Variants in CERS3 observed in about 807,000 individuals in gnomAD.
CERS3 encodes the protein ceramide synthase 3.
Under a neutral mutation model 50.3 loss-of-function variants are expected in CERS3, and 33 were observed. The ratio of observed to expected loss-of-function variants is 0.66; its 90% CI spans 0.50 to 0.88. The LOEUF (loss-of-function observed/expected upper bound fraction) is 0.88. Among genes scored for constraint, CERS3 ranks in the 40% least tolerant of loss-of-function variants. The pLI is 0.00. For missense variants in CERS3, 470 were observed against 460.3 expected (o/e 1.02, Z -0.19); for synonymous variants, 176 against 155.2 (o/e 1.13, Z -0.99).
chr15:100,542,728 A>T (rs1422556569), intron 1 of CERS3, among the ~76,000 whole-genome samples: 1 of 152,230 alleles, frequency 6.6e-6, no homozygotes, highest in Non-Finnish European at 1.5e-5. Flanking sequence ...TAAGAATGTA[A>T]TTCACAATAA....
intron 11 of CERS3, among the ~76,000 whole-genome samples, chr15:100,413,999 A>C (rs1375828769): frequency 6.6e-6 from 1 of 152,186 alleles, no homozygotes; most frequent in Non-Finnish European, 1.5e-5. Context: ...ATTCACAGCC[A>C]AATTCTACCA....
upstream of CERS3, among the ~76,000 whole-genome samples, chr15:100,533,288 C>A (rs543768385): frequency 6.6e-6 from 1 of 152,138 alleles, no homozygotes. Flanking sequence ...GCCTCTCCCC[C>A]ACGTAAGCTT....
intron 11 of CERS3, among the ~76,000 whole-genome samples, chr15:100,440,372 T>C (rs1452674163): frequency 6.6e-6 from 1 of 152,208 alleles, no homozygotes; most frequent in Non-Finnish European, 1.5e-5. Flanking sequence ...TTCCTTCTCC[T>C]GGCTCATTCT....
intron 3 of CERS3, among the ~76,000 whole-genome samples, chr15:100,497,143 T>C (rs1282129720): frequency 6.6e-6 from 1 of 151,714 alleles, no homozygotes; most frequent in Non-Finnish European, 1.5e-5. Flanking sequence ...AAATAAAGGA[T>C]CACCAAATAC....
chr15:100,463,627 C>T (rs1166772932), intron 10 of CERS3, among the ~76,000 whole-genome samples: 2 of 152,022 alleles, frequency 1.3e-5, no homozygotes, highest in African/African-American at 4.8e-5. Flanking sequence ...GAGAGCTCTT[C>T]TAAGGGCCCC....
intron 11 of CERS3, among the ~76,000 whole-genome samples, chr15:100,415,509 C>G (rs189780378): frequency 6.6e-6 from 1 of 152,270 alleles, no homozygotes; most frequent in African/African-American, 2.4e-5. Context: ...TTTATTGTAG[C>G]ACTCTTCACA....
intron 2 of CERS3, among the ~76,000 whole-genome samples, chr15:100,506,828 T>A (rs942558828): frequency 6.6e-6 from 1 of 152,192 alleles, no homozygotes; most frequent in East Asian, 1.9e-4. Flanking sequence ...GGTTTCTTTT[T>A]AAGGTGGTGA....
chr15:100,438,005 T>G (rs1259883004), intron 11 of CERS3: 4 of 151,830 alleles, frequency 2.6e-5, no homozygotes, highest in Non-Finnish European at 4.4e-5. Context: ...ATCTATGATC[T>G]TGATTACTCA....
chr15:100,524,317 A>T (rs2036723634), intron 1 of CERS3, among the ~76,000 whole-genome samples: 3 of 152,252 alleles, frequency 2.0e-5, no homozygotes, highest in African/African-American at 7.2e-5. Context: ...AGTAATGGTT[A>T]AAAACGTTTG....
intron 10 of CERS3, among the ~76,000 whole-genome samples, chr15:100,466,773 C>CTTCT (rs1461279661): frequency 4.1e-5 from 2 of 48,846 alleles, no homozygotes; most frequent in Admixed American, 2.3e-4. Flanking sequence ...TCCTTCCTTC[C>CTTCT]TTCCTTCCTT....
At chr15:100,533,350 T>C (rs1196469227), upstream of CERS3, among the ~76,000 whole-genome samples, 1 of 152,184 alleles carries the variant, frequency 6.6e-6, no homozygotes, top group Non-Finnish European at 1.5e-5. Flanking sequence ...CCCCAGGGGT[T>C]AGAACAGTTC....
chr15:100,461,986 A>G (rs2034565141), intron 10 of CERS3, among the ~76,000 whole-genome samples: 1 of 152,218 alleles, frequency 6.6e-6, no homozygotes, highest in African/African-American at 2.4e-5. Context: ...ACTGGGAAAA[A>G]GAAAAAAAAT....
intron 10 of CERS3, among the ~76,000 whole-genome samples, chr15:100,466,737 T>TTTCCTTCCTTCCTTCCTTCC (rs1197426230): frequency 1.3e-5 from 1 of 74,238 alleles, no homozygotes; most frequent in African/African-American, 5.3e-5. Context: ...TCTTTCCTTC[T>TTTCCTTCCTTCCTTCCTTCC]TTCCTTCCTT....
chr15:100,463,966 G>A (rs1164417481), intron 10 of CERS3, among the ~76,000 whole-genome samples: 1 of 152,148 alleles, frequency 6.6e-6, no homozygotes, highest in African/African-American at 2.4e-5. Context: ...GCACTGTTGG[G>A]TGCTTTCAGC....
At chr15:100,432,371 C>T (rs566778857) in intron 11 of CERS3, among the ~76,000 whole-genome samples, 2 of 152,326 alleles carry the variant, frequency 1.3e-5, no homozygotes, top group East Asian at 3.9e-4. Context: ...AGAAATATAA[C>T]TTCCAACAAA....
At chr15:100,543,527 T>C (rs1418934178) in intron 1 of CERS3, among the ~76,000 whole-genome samples, 1 of 116,642 alleles carries the variant, frequency 8.6e-6, no homozygotes, top group Non-Finnish European at 1.9e-5. Context: ...CCTCCTTCCT[T>C]TCTTTCTTTT....
At chr15:100,527,717 TAC>T (rs2036835740) in intron 1 of CERS3, among the ~76,000 whole-genome samples, 1 of 152,214 alleles carries the variant, frequency 6.6e-6, no homozygotes, top group African/African-American at 2.4e-5. Context: ...AAAATGCACG[TAC>T]ACACAGCAAG....
intron 1 of CERS3, among the ~76,000 whole-genome samples, chr15:100,524,388 G>A (rs2036726055): frequency 6.6e-6 from 1 of 152,130 alleles, no homozygotes; most frequent in East Asian, 1.9e-4. Context: ...AGTTGCATAC[G>A]ATTTTATAGT....
At chr15:100,434,763 A>G (rs2033314034) in intron 11 of CERS3, among the ~76,000 whole-genome samples, 1 of 152,188 alleles carries the variant, frequency 6.6e-6, no homozygotes, top group African/African-American at 2.4e-5. Flanking sequence ...ACAGGCCACA[A>G]ACTGTGCCTG....
Sources: allele counts gnomAD v4.1 joint callset (sites outside exome capture counted in the v4.1 genomes callset), GRCh38; gene constraint gnomAD v4.1.1; transcripts MANE v1.5; gene names NCBI Gene and HGNC (gene_info 2026-07-23, HGNC 2026-07-21).